Variants in PECR observed in about 807,000 individuals in gnomAD.
PECR encodes peroxisomal trans-2-enoyl-CoA reductase, also known as 2,4-dienoyl-CoA reductase-related protein.
In PECR, 30 loss-of-function variants were observed where a neutral mutation model predicts 35.3. The ratio of observed to expected loss-of-function variants is 0.85; its 90% CI spans 0.64 to 1.15. PECR has a LOEUF of 1.15. Among genes scored for constraint, PECR ranks in the 50% most tolerant of loss-of-function variants. The probability of loss-of-function intolerance (pLI) is 0.00; values close to 1 mark genes in which losing one functional copy is unlikely to be tolerated. For missense variants in PECR, 392 were observed against 370.8 expected, an observed-to-expected ratio of 1.06 and a Z score of -0.47; for synonymous variants, 148 against 138.9, an observed-to-expected ratio of 1.07 and a Z score of -0.46.
At chr2:216,034,634 G>A (rs547482979), downstream of PECR, among the ~76,000 whole-genome samples, 10 of 152,266 alleles carry the variant, frequency 6.6e-5, no homozygotes, top group South Asian at 1.2e-3. Context: ...AATGGGCAGC[G>A]TGTGAGAGTG....
intron 1 of PECR, among the ~76,000 whole-genome samples, chr2:216,069,007 T>C (rs1333655028): frequency 6.6e-6 from 1 of 152,140 alleles, no homozygotes; most frequent in East Asian, 1.9e-4. Context: ...TCCTTGAGAA[T>C]AATAGCACAA....
downstream of PECR, chr2:216,033,731 T>C (rs1694747423): frequency 6.6e-6 from 1 of 152,434 alleles, no homozygotes; most frequent in African/African-American, 2.4e-5. Flanking sequence ...TGAATGCTGA[T>C]GGCATCAGGA....
At chr2:216,061,636 T>C (rs1376662730) in intron 3 of PECR, among the ~76,000 whole-genome samples, 3 of 151,918 alleles carry the variant, frequency 2.0e-5, no homozygotes, top group Admixed American at 2.0e-4. Flanking sequence ...ATTAGAGAAA[T>C]CCAGAATTTG....
At chr2:216,043,035 A>ATATG (rs1559207803) in intron 7 of PECR, among the ~76,000 whole-genome samples, 8 of 125,666 alleles carry the variant, frequency 6.4e-5, no homozygotes, top group Non-Finnish European at 4.9e-5. Context: ...GTATATATGT[A>ATATG]TGTGTATATA....
rs1187095619 is a variant in PECR, at chr2:216,058,941, T to C, written c.460A>G (p.Ile154Val). The change falls in exon 4 of 8, where the codon ATC becomes GTC. Residue 154 changes from isoleucine to valine, a missense_variant. Physicochemically the swap from Ile to Val is conservative, Grantham distance 29. Coordinates refer to ENST00000265322, the MANE Select transcript of PECR (RefSeq NM_018441.6). ...SSWMKEHGGS[I>V]VNIIVPTKAG... ...TTAGTAGGGACAATGATATTGACGATAGATCCTCCATGCTCTTTCATCCAG... is the reference window on the plus strand; with the variant it reads ...TTAGTAGGGACAATGATATTGACGACAGATCCTCCATGCTCTTTCATCCAG... The C allele has an allele frequency of 3.7e-6, 6 of 1,610,428 alleles. No homozygotes were observed. Among genetic ancestry groups the C allele is most frequent in the Non-Finnish European group, 4.2e-6 (5 of 1,176,692 alleles).
At chr2:216,050,845 G>A (rs1695100220) in intron 5 of PECR, 1 of 150,058 alleles carries the variant, frequency 6.7e-6, no homozygotes, top group African/African-American at 2.5e-5. Context: ...AGGTTGCAGT[G>A]AGCCAAGATC....
At chr2:216,031,691 G>GAAAGAAAGAAGGAA (rs1473248845) in intron 7 of PECR, among the ~76,000 whole-genome samples, 1 of 61,102 alleles carries the variant, frequency 1.6e-5, no homozygotes, top group African/African-American at 6.0e-5. Context: ...AAGAAAGAAA[G>GAAAGAAAGAAGGAA]AGAAAGAAAG....
rs1305847214 is a variant in PECR at position 216,038,779 on chromosome 2, TTGTG to T, written c.*492_*495del. ...GTGTGTGCCACCACACCCGACTAATTTGTGTTTTTGTTTTTGTTGTTTTTCAGTA... is the reference window on the plus strand; with the variant it reads ...GTGTGTGCCACCACACCCGACTAATTTTTTTGTTTTTGTTGTTTTTCAGTA... On this transcript the variant is annotated 3_prime_UTR_variant, in exon 8 of 8. Coordinates refer to ENST00000265322, the MANE Select transcript of PECR (RefSeq NM_018441.6). The T allele has an allele frequency of 5.9e-6, 1 of 168,256 alleles. No individual in the cohort carries two copies. Among genetic ancestry groups the T allele is most frequent in the African/African-American group, 2.4e-5 (1 of 41,452 alleles). The allele number at this position is 168,256 out of a possible 1,614,324, so 10.4% of individuals were successfully genotyped here.
At chr2:216,079,460 C>T (rs1334654980) in intron 1 of PECR, among the ~76,000 whole-genome samples, 3 of 150,964 alleles carry the variant, frequency 2.0e-5, no homozygotes, top group South Asian at 2.1e-4. Flanking sequence ...CTCTGCCTCC[C>T]GGGTTCACGC....
At chr2:216,052,262 C>T (rs1308913542) in intron 4 of PECR, among the ~76,000 whole-genome samples, 2 of 152,100 alleles carry the variant, frequency 1.3e-5, no homozygotes, top group Admixed American at 6.5e-5. Flanking sequence ...TCCTCAAAAC[C>T]AAATATAGGA....
At position 216,065,421 on chromosome 2, in the gene PECR, C is replaced by A. The variant is rs1212743250; in HGVS notation, c.315G>T (p.Val105=). Residue 105 remains valine, a synonymous_variant, in exon 3 of 8, where the codon GTG becomes GTT. Coordinates refer to ENST00000265322, the MANE Select transcript of PECR (RefSeq NM_018441.6). ...LDTFGKINFL[V]NNGGGQFLSP... ...AAAGAAACTGGCCTCCTCCATTGTTCACCAAGAAATTGATCTTACCAAAAG... is the reference window on the plus strand; with the variant it reads ...AAAGAAACTGGCCTCCTCCATTGTTAACCAAGAAATTGATCTTACCAAAAG... The A allele has an allele frequency of 8.1e-6, 13 of 1,607,120 alleles. 1 individual carries two copies. The East Asian group carries it at 2.7e-4, about 33-fold the overall frequency.
chr2:216,040,667 G>A (rs1441816805), intron 7 of PECR, among the ~76,000 whole-genome samples: 12 of 152,246 alleles, frequency 7.9e-5, no homozygotes, highest in South Asian at 4.2e-4. Flanking sequence ...TCAGGAGTTC[G>A]AGACTAGCCT....
chr2:216,050,623 C>T (rs1364307698), intron 5 of PECR, among the ~76,000 whole-genome samples: 1 of 152,204 alleles, frequency 6.6e-6, no homozygotes, highest in African/African-American at 2.4e-5. Flanking sequence ...TATAGATAGG[C>T]TGGGCGCAGT....
chr2:216,046,689 C>T (rs1695004387), intron 6 of PECR, among the ~76,000 whole-genome samples: 3 of 152,040 alleles, frequency 2.0e-5, no homozygotes, highest in African/African-American at 2.4e-5. Context: ...TCTTAGTTTT[C>T]AGAATACAAA....
At chr2:216,034,084 A>G (rs1343203524), downstream of PECR, 7 of 152,228 alleles carry the variant, frequency 4.6e-5, no homozygotes. Context: ...AAGAAACTAA[A>G]GCTCAAGTTG....
Position 216,051,495 on chromosome 2 carries a change from G to A in PECR, c.557C>T (p.Ala186Val). The A allele has an allele frequency of 6.2e-7, 1 of 1,613,064 alleles. No homozygotes were observed. The highest frequency in any genetic ancestry group is 1.3e-5 in the African/African-American group (1 of 75,014). The change falls in exon 5 of 8, where the codon GCT becomes GTT. Residue 186 changes from alanine (A) to valine (V), a missense_variant. Coordinates refer to ENST00000265322, the MANE Select transcript of PECR (RefSeq NM_018441.6). ...TATTCCACTGCAGGCCCATTCCAAA[G>A]CTAAAGATTTGGTGAGGTTGTAAAC... ...AGVYNLTKSLALEWACSGIRI... is the reference protein window; with the variant it reads ...AGVYNLTKSLVLEWACSGIRI...
intron 1 of PECR, among the ~76,000 whole-genome samples, chr2:216,080,818 G>A (rs1695824315): frequency 6.6e-6 from 1 of 152,056 alleles, no homozygotes; most frequent in Admixed American, 6.6e-5. Flanking sequence ...TTTTCTATCA[G>A]TGTGTTGGAT....
At chr2:216,048,463 A>G (rs1695038927) in intron 6 of PECR, among the ~76,000 whole-genome samples, 1 of 151,596 alleles carries the variant, frequency 6.6e-6, no homozygotes, top group East Asian at 1.9e-4. Flanking sequence ...TAATCCCAGC[A>G]CTTTAGGAGG....
At chr2:216,046,300 A>T (rs1484382067) in intron 6 of PECR, among the ~76,000 whole-genome samples, 26 of 113,016 alleles carry the variant, frequency 2.3e-4, no homozygotes, top group African/African-American at 1.0e-3. Flanking sequence ...ATACATATAT[A>T]TATATATATA....
Sources: gnomAD v4.1 joint callset for allele counts (sites outside exome capture counted in the v4.1 genomes callset) on GRCh38, gnomAD v4.1.1 for gene constraint, MANE v1.5 for transcripts, NCBI Gene and HGNC (gene_info 2026-07-23, HGNC 2026-07-21) for gene names.